The following DMD variants were observed in gnomAD, a reference collection of about 807,000 sequenced individuals.
The protein encoded by DMD is mutant dystrophin.
DMD carries 63 observed loss-of-function variants against 330.1 expected under a neutral mutation model. The ratio of observed to expected loss-of-function variants is 0.19; its 90% CI spans 0.16 to 0.24. The LOEUF (loss-of-function observed/expected upper bound fraction) is 0.24, where lower values mean the gene tolerates loss of function less well. Ranked by LOEUF, DMD falls within the 10% of genes least tolerant of loss-of-function variation. The probability of loss-of-function intolerance (pLI) is 1.00; values close to 1 mark genes in which losing one functional copy is unlikely to be tolerated. For missense variants in DMD, 3,344 were observed against 2,684.1 expected (o/e 1.25, Z -5.43); for synonymous variants, 1,223 against 959.8 (o/e 1.27, Z -5.07).
At chrX:32,732,179 T>G (rs765209910) in intron 7 of DMD, among the ~76,000 whole-genome samples, 98 of 111,030 alleles carry the variant, frequency 8.8e-4, no homozygotes, top group East Asian at 4.2e-3. Flanking sequence ...AAGATGAAAT[T>G]AATGAAATGA....
At position 32,462,209 on chromosome X, in the gene DMD, C is replaced by G. The variant is rs1463548677; in HGVS notation, c.3432+1230G>C. Among the ~76,000 whole-genome samples the G allele has an allele frequency of 3.6e-5, 4 of 111,041 alleles. No individual in the cohort carries two copies. The East Asian group carries it at 1.1e-3, about 32-fold the overall frequency. On this transcript the variant is annotated intron_variant, in intron 25 of 78. Coordinates refer to ENST00000357033, the MANE Select transcript of DMD (RefSeq NM_004006.3). ...AACCCTATATACACTAGATTTTTTC[C>G]TACTCATACATACCTATAAAATTTA...
At chrX:31,757,889 C>T (rs377040314) in intron 51 of DMD, among the ~76,000 whole-genome samples, 9 of 110,925 alleles carry the variant, frequency 8.1e-5, no homozygotes, top group South Asian at 3.8e-4. Context: ...TGACTTGACA[C>T]GGGGTTATAA....
chrX:32,561,413 G>T (rs949274022), intron 16 of DMD, among the ~76,000 whole-genome samples: 2 of 111,580 alleles, frequency 1.8e-5, no homozygotes, highest in African/African-American at 6.5e-5. Flanking sequence ...CTCAGAGCTT[G>T]AAGACTATCT....
At chrX:32,335,517 GTA>G (rs71673677) in intron 41 of DMD, among the ~76,000 whole-genome samples, 499 of 31,994 alleles carry the variant, frequency 0.016, 2 homozygotes, top group Non-Finnish European at 0.037. Flanking sequence ...TATAACATGT[GTA>G]TGTTATATAT....
At chrX:32,207,253 G>A (rs915097783) in intron 44 of DMD, among the ~76,000 whole-genome samples, 2 of 110,576 alleles carry the variant, frequency 1.8e-5, no homozygotes, top group African/African-American at 6.6e-5. Context: ...TAAGGATTGA[G>A]GGCTCCACCC....
At chrX:31,763,125 G>C (rs776901904) in intron 51 of DMD, among the ~76,000 whole-genome samples, 5 of 112,345 alleles carry the variant, frequency 4.5e-5, no homozygotes, top group African/African-American at 1.6e-4. Context: ...AATTTATTTC[G>C]AGGACCAGAA....
intron 37 of DMD, among the ~76,000 whole-genome samples, chrX:32,354,716 A>G (rs16990247): frequency 0.2 from 22,428 of 110,604 alleles, 2,243 homozygotes; most frequent in African/African-American, 0.38. Context: ...ATGCTTTGAT[A>G]ATAAAAATGT....
At chrX:32,382,526 C>A (rs766155383) in intron 33 of DMD, among the ~76,000 whole-genome samples, 1 of 110,867 alleles carries the variant, frequency 9.0e-6, no homozygotes, top group East Asian at 2.8e-4. Flanking sequence ...TAATAAAATT[C>A]CTTATTTTCT....
intron 1 of DMD, among the ~76,000 whole-genome samples, chrX:33,225,414 T>G (rs1189102077): frequency 9.0e-6 from 1 of 111,423 alleles, no homozygotes; most frequent in Non-Finnish European, 1.9e-5. Context: ...CCCACACAAA[T>G]TGCTCAACTG....
intron 7 of DMD, among the ~76,000 whole-genome samples, chrX:32,735,290 T>C (rs1194009029): frequency 9.1e-6 from 1 of 110,170 alleles, no homozygotes; most frequent in Admixed American, 9.6e-5. Flanking sequence ...GGAAGAACAT[T>C]CCATGCTCAT....
chrX:31,142,400 AAT>A (rs1167674548), intron 76 of DMD, among the ~76,000 whole-genome samples: 7 of 112,211 alleles, frequency 6.2e-5, no homozygotes, highest in East Asian at 5.6e-4. Context: ...AGTATATAAA[AAT>A]ATGTTAACAT....
In DMD at chrX:31,480,275, C is replaced by A. The variant is rs142309323; in HGVS notation, c.8548-1172G>T. ...TGTATGACACATTTATTAATAAAAT[C>A]TTAGCGGTGTTCACCATTCAAAAGA... is the stretch of plus-strand genomic sequence containing the variant. On this transcript the variant is annotated intron_variant, in intron 57 of 78. Coordinates refer to ENST00000357033, the MANE Select transcript of DMD (RefSeq NM_004006.3). Among the ~76,000 whole-genome samples, 396 of 111,351 alleles carry A rather than the reference C, an allele frequency of 3.6e-3. 1 individual carries two copies. Among genetic ancestry groups the A allele is most frequent in the African/African-American group, 0.012 (361 of 30,744 alleles).
intron 2 of DMD, among the ~76,000 whole-genome samples, chrX:32,884,015 G>C (rs2084280854): frequency 9.2e-6 from 1 of 109,209 alleles, no homozygotes; most frequent in South Asian, 4.0e-4. Flanking sequence ...TAGGTTTTCT[G>C]GTTTTGATGT....
At chrX:32,065,352 C>T (rs2096252970) in intron 44 of DMD, among the ~76,000 whole-genome samples, 1 of 111,268 alleles carries the variant, frequency 9.0e-6, no homozygotes, top group South Asian at 3.7e-4. Context: ...CATTATTACA[C>T]TCCGTATTTC....
intron 57 of DMD, among the ~76,000 whole-genome samples, chrX:31,485,958 G>A (rs1306983579): frequency 8.9e-6 from 1 of 112,418 alleles, no homozygotes; most frequent in Non-Finnish European, 1.9e-5. Context: ...CTGAGTGGCA[G>A]AAGCCTTGGG....
intron 44 of DMD, among the ~76,000 whole-genome samples, chrX:31,997,321 T>C (rs991999507): frequency 1.8e-5 from 2 of 111,260 alleles, no homozygotes; most frequent in Non-Finnish European, 3.8e-5. Context: ...GGTGGCACAC[T>C]AGAATCACTA....
chrX:31,728,064 C>T (rs1194207705), intron 52 of DMD, among the ~76,000 whole-genome samples: 1 of 112,626 alleles, frequency 8.9e-6, no homozygotes, highest in Non-Finnish European at 1.9e-5. Context: ...GCTCTGTCGC[C>T]CAGGCTGGAG....
chrX:32,474,098 G>A (rs745836276), intron 21 of DMD, among the ~76,000 whole-genome samples: 2 of 110,750 alleles, frequency 1.8e-5, no homozygotes, highest in Admixed American at 1.9e-4. Context: ...CCATTCCTGA[G>A]TTACTTCACT....
intron 1 of DMD, among the ~76,000 whole-genome samples, chrX:33,171,592 A>G (rs943200753): frequency 3.6e-5 from 4 of 111,463 alleles, no homozygotes; most frequent in African/African-American, 3.2e-5. Context: ...ACTTCTATGT[A>G]TATGATTTTT....
Sources: gnomAD v4.1 joint callset for allele counts (sites outside exome capture counted in the v4.1 genomes callset) on GRCh38, gnomAD v4.1.1 for gene constraint, MANE v1.5 for transcripts, NCBI Gene and HGNC (gene_info 2026-07-23, HGNC 2026-07-21) for gene names.